Variants in ARHGAP18 observed in about 807,000 individuals in gnomAD.
ARHGAP18 encodes Rho GTPase activating protein 18.
In ARHGAP18, 67 loss-of-function variants were observed where a neutral mutation model predicts 86.2. The observed-to-expected ratio is 0.78, with a 90% CI of 0.64 to 0.95. The LOEUF (loss-of-function observed/expected upper bound fraction) is 0.95. Ranked by LOEUF, ARHGAP18 falls within the 40% of genes least tolerant of loss-of-function variation. The pLI is 0.00. For synonymous variants in ARHGAP18, 283 were observed against 280.4 expected (o/e 1.01, Z -0.09); for missense variants, 691 against 780.4 (o/e 0.89, Z 1.37).
intron 1 of ARHGAP18, among the ~76,000 whole-genome samples, chr6:129,681,805 T>C (rs1392436715): frequency 2.6e-5 from 4 of 152,206 alleles, no homozygotes; most frequent in Non-Finnish European, 5.9e-5. Context: ...TTTCACTTTG[T>C]TTTCAAAGAA....
chr6:129,593,048 G>A (rs1301577686), intron 12 of ARHGAP18, among the ~76,000 whole-genome samples: 1 of 152,134 alleles, frequency 6.6e-6, no homozygotes, highest in Non-Finnish European at 1.5e-5. Context: ...CCAATAGGAA[G>A]AGGGAATTAC....
intron 12 of ARHGAP18, among the ~76,000 whole-genome samples, chr6:129,585,847 A>G (rs926755115): frequency 2.6e-5 from 4 of 152,098 alleles, no homozygotes; most frequent in Non-Finnish European, 5.9e-5. Flanking sequence ...CAAGCCCCCA[A>G]TTCCAACCTG....
chr6:129,688,069 A>G (rs1244532372), intron 1 of ARHGAP18, among the ~76,000 whole-genome samples: 1 of 152,194 alleles, frequency 6.6e-6, no homozygotes, highest in East Asian at 1.9e-4. Flanking sequence ...ACATGGATGA[A>G]AAGAAATCCC....
At chr6:129,625,399 ATG>A (rs1482840752) in intron 5 of ARHGAP18, among the ~76,000 whole-genome samples, 6 of 61,728 alleles carry the variant, frequency 9.7e-5, no homozygotes, top group African/African-American at 4.8e-4. Flanking sequence ...ATTTATACAT[ATG>A]TATTATATAT....
intron 9 of ARHGAP18, among the ~76,000 whole-genome samples, chr6:129,607,679 A>G (rs1399285252): frequency 6.6e-6 from 1 of 152,194 alleles, no homozygotes; most frequent in Non-Finnish European, 1.5e-5. Context: ...TCTGTACCCA[A>G]AGAGAACATT....
chr6:129,591,706 T>C (rs535659209), intron 12 of ARHGAP18, among the ~76,000 whole-genome samples: 18 of 152,316 alleles, frequency 1.2e-4, no homozygotes, highest in African/African-American at 4.1e-4. Context: ...TCTCTTTCTT[T>C]TTCATTAAAA....
intron 1 of ARHGAP18, chr6:129,662,094 T>C (rs1773965617): frequency 6.1e-6 from 1 of 164,024 alleles, no homozygotes; most frequent in Non-Finnish European, 1.3e-5. Flanking sequence ...AGATGCCAAA[T>C]GATTAAAAAC....
intron 1 of ARHGAP18, among the ~76,000 whole-genome samples, chr6:129,670,447 C>T (rs1481609896): frequency 6.6e-6 from 1 of 152,076 alleles, no homozygotes; most frequent in East Asian, 1.9e-4. Context: ...CAACAATGTG[C>T]CCATTAAAAT....
rs1188435884 is a variant in ARHGAP18, at chr6:129,625,487, TTATA to T, written c.786+3862_786+3865del. Among the ~76,000 whole-genome samples, 143 of 62,074 alleles carry T rather than the reference TTATA, an allele frequency of 2.3e-3. 21 individuals carry two copies. Among genetic ancestry groups the T allele is most frequent in the Non-Finnish European group, 3.5e-3 (125 of 35,938 alleles). The allele number at this position is 62,074 out of a possible 152,430, so 40.7% of individuals were successfully genotyped here. Reference sequence around the variant, plus strand: ...TATAATATATATTTTATATTATATATTATATATAATATATATTTTATATATCATA... The same window carrying T: ...TATAATATATATTTTATATTATATATTATAATATATATTTTATATATCATA... On this transcript the variant is annotated intron_variant, in intron 5 of 14. Coordinates refer to ENST00000368149, the MANE Select transcript of ARHGAP18 (RefSeq NM_033515.3).
chr6:129,578,378 G>A lies in ARHGAP18; in HGVS notation c.*135C>T. ...GCAGCACAAATCTATGACTTTTTAA[G>A]GCTTAAGAGAGTCATTTTTAAATAC... On this transcript the variant is annotated 3_prime_UTR_variant, in exon 15 of 15. Coordinates refer to ENST00000368149, the MANE Select transcript of ARHGAP18 (RefSeq NM_033515.3). 2 of 465,820 alleles carry A rather than the reference G, an allele frequency of 4.3e-6. No individual in the cohort carries two copies. The highest frequency in any genetic ancestry group is 7.3e-6 in the Non-Finnish European group (2 of 274,130). The allele number at this position is 465,820 out of a possible 1,614,324, so 28.9% of individuals were successfully genotyped here. A position where few individuals can be genotyped will look rare whatever the true frequency, so the allele number is the denominator to read the frequency against.
At chr6:129,613,261 A>G (rs989475366) in intron 7 of ARHGAP18, among the ~76,000 whole-genome samples, 1 of 151,936 alleles carries the variant, frequency 6.6e-6, no homozygotes, top group African/African-American at 2.4e-5. Context: ...AAAAGAAAAA[A>G]AATTTCTGGA....
intron 1 of ARHGAP18, among the ~76,000 whole-genome samples, chr6:129,658,154 G>A (rs1167210543): frequency 6.6e-6 from 1 of 152,090 alleles, no homozygotes; most frequent in Non-Finnish European, 1.5e-5. Flanking sequence ...TCCTACAAAA[G>A]GAATGACAAT....
intron 1 of ARHGAP18, among the ~76,000 whole-genome samples, chr6:129,707,556 C>A (rs1462331859): frequency 6.6e-6 from 1 of 151,994 alleles, no homozygotes; most frequent in Non-Finnish European, 1.5e-5. Flanking sequence ...GCAATCTCTG[C>A]TCCACCAGCC....
chr6:129,637,425 T>TG (rs1773357076), intron 3 of ARHGAP18, among the ~76,000 whole-genome samples: 2 of 152,194 alleles, frequency 1.3e-5, no homozygotes, highest in Non-Finnish European at 2.9e-5. Flanking sequence ...CCCCACAGCT[T>TG]TTATTAACAA....
intron 1 of ARHGAP18, among the ~76,000 whole-genome samples, chr6:129,670,150 T>G (rs1222908187): frequency 6.6e-6 from 1 of 152,234 alleles, no homozygotes; most frequent in Non-Finnish European, 1.5e-5. Context: ...TAAATTCAAC[T>G]CCAAAACACC....
chr6:129,657,730 A>T (rs1191767155), intron 1 of ARHGAP18, among the ~76,000 whole-genome samples: 1 of 152,218 alleles, frequency 6.6e-6, no homozygotes, highest in Non-Finnish European at 1.5e-5. Context: ...GGATCTTTCC[A>T]TCTGTGCTGC....
At chr6:129,678,655 C>G (rs1426283364) in intron 1 of ARHGAP18, among the ~76,000 whole-genome samples, 1 of 152,078 alleles carries the variant, frequency 6.6e-6, no homozygotes, top group African/African-American at 2.4e-5. Flanking sequence ...AACAAACAAA[C>G]AAAAAATACG....
At chr6:129,676,728 C>T (rs943914796) in intron 1 of ARHGAP18, among the ~76,000 whole-genome samples, 4 of 152,078 alleles carry the variant, frequency 2.6e-5, no homozygotes, top group Non-Finnish European at 5.9e-5. Flanking sequence ...CAGTTAGACA[C>T]GAGCTCCCCA....
intron 1 of ARHGAP18, among the ~76,000 whole-genome samples, chr6:129,698,034 CTT>C (rs1438211018): frequency 6.6e-6 from 1 of 152,192 alleles, no homozygotes; most frequent in Non-Finnish European, 1.5e-5. Flanking sequence ...CTTACTCAAA[CTT>C]AATCTCAATT....
Sources: gnomAD v4.1 joint callset for allele counts (sites outside exome capture counted in the v4.1 genomes callset) on GRCh38, gnomAD v4.1.1 for gene constraint, MANE v1.5 for transcripts, NCBI Gene and HGNC (gene_info 2026-07-23, HGNC 2026-07-21) for gene names.